The following IL1RAPL1 variants were observed in gnomAD, a reference collection of about 807,000 sequenced individuals.
The protein encoded by IL1RAPL1 is interleukin 1 receptor accessory protein like 1, also known as interleukin-1 receptor accessory protein-like 1.
A neutral mutation model predicts 48.4 loss-of-function variants in IL1RAPL1; 3 were observed. The observed-to-expected ratio is 0.06, with a 90% CI of 0.03 to 0.16. The LOEUF is 0.16. Among genes scored for constraint, IL1RAPL1 ranks in the 10% least tolerant of loss-of-function variants. IL1RAPL1 has a pLI of 1.00. For missense variants in IL1RAPL1, 349 were observed against 530.6 expected (o/e 0.66, Z 3.36); for synonymous variants, 185 against 187.7 (o/e 0.99, Z 0.12).
chrX:29,708,903 A>G, intron 6 of IL1RAPL1, among the ~76,000 whole-genome samples: 1 of 111,949 alleles, frequency 8.9e-6, no homozygotes, highest in East Asian at 2.8e-4. Context: ...TTTTGATAAT[A>G]CTCATTCTAA....
intron 6 of IL1RAPL1, among the ~76,000 whole-genome samples, chrX:29,867,724 TGA>T (rs1047679853): frequency 8.9e-6 from 1 of 112,246 alleles, no homozygotes; most frequent in Non-Finnish European, 1.9e-5. Flanking sequence ...TTCGAAGCAC[TGA>T]GAGAGTAAAC....
intron 8 of IL1RAPL1, among the ~76,000 whole-genome samples, chrX:29,931,962 A>C (rs1293959037): frequency 1.8e-5 from 2 of 112,514 alleles, no homozygotes; most frequent in Non-Finnish European, 3.8e-5. Context: ...AGGGAAAGCA[A>C]TACTTTTCTA....
intron 2 of IL1RAPL1, among the ~76,000 whole-genome samples, chrX:29,225,109 T>G (rs978003359): frequency 2.7e-5 from 3 of 112,232 alleles, no homozygotes; most frequent in Non-Finnish European, 5.6e-5. Context: ...CATGCTTGTC[T>G]TCTTTAAAGC....
At chrX:28,965,912 G>C (rs1351403683) in intron 2 of IL1RAPL1, among the ~76,000 whole-genome samples, 5 of 109,619 alleles carry the variant, frequency 4.6e-5, no homozygotes, top group African/African-American at 1.7e-4. Flanking sequence ...CATGTATTTT[G>C]TGCCTTTTAT....
intron 1 of IL1RAPL1, among the ~76,000 whole-genome samples, chrX:28,702,762 C>T (rs1307937803): frequency 9.0e-6 from 1 of 111,026 alleles, no homozygotes; most frequent in Non-Finnish European, 1.9e-5. Context: ...ACACCATTCA[C>T]CCATTTAGTG....
At chrX:28,723,090 G>A (rs1374645156) in intron 1 of IL1RAPL1, among the ~76,000 whole-genome samples, 2 of 111,301 alleles carry the variant, frequency 1.8e-5, no homozygotes, top group East Asian at 5.7e-4. Context: ...TTTGGTATCA[G>A]GATGATGCTG....
intron 3 of IL1RAPL1, among the ~76,000 whole-genome samples, chrX:29,380,444 C>T (rs750597164): frequency 1.8e-5 from 2 of 111,708 alleles, no homozygotes; most frequent in African/African-American, 6.5e-5. Context: ...TCAGGCTGGT[C>T]TCGAACTCCT....
At chrX:29,749,021 C>A (rs1211854979) in intron 6 of IL1RAPL1, among the ~76,000 whole-genome samples, 1 of 112,190 alleles carries the variant, frequency 8.9e-6, no homozygotes, top group Non-Finnish European at 1.9e-5. Flanking sequence ...ATATAGTGAG[C>A]AAAATGAGGA....
chrX:28,872,906 A>G (rs990569046), intron 2 of IL1RAPL1, among the ~76,000 whole-genome samples: 3 of 111,606 alleles, frequency 2.7e-5, no homozygotes, highest in Non-Finnish European at 5.6e-5. Flanking sequence ...CCTATTACCT[A>G]CAAAAGATAA....
intron 8 of IL1RAPL1, among the ~76,000 whole-genome samples, chrX:29,925,355 C>A (rs1013610846): frequency 3.0e-4 from 28 of 94,189 alleles, no homozygotes; most frequent in Non-Finnish European, 4.6e-4. Flanking sequence ...TTAACAAATT[C>A]TCTCCTTGGA....
At chrX:28,900,778 G>A (rs970125018) in intron 2 of IL1RAPL1, among the ~76,000 whole-genome samples, 8 of 111,297 alleles carry the variant, frequency 7.2e-5, no homozygotes, top group Non-Finnish European at 1.5e-4. Context: ...TTTTATTTTA[G>A]AAGCATTTAA....
intron 6 of IL1RAPL1, among the ~76,000 whole-genome samples, chrX:29,747,991 T>C (rs1454444760): frequency 8.9e-6 from 1 of 112,063 alleles, no homozygotes; most frequent in African/African-American, 3.2e-5. Context: ...TTTAACATAT[T>C]AAGATATGAT....
rs1337733564 is a variant in IL1RAPL1 at position 28,661,402 on chromosome X, TTTGA to T, written c.-25+73360_-25+73363del. The stretch of plus-strand genomic sequence containing the variant: ...ACAAGTAAATGCTGGTGATATATTA[TTTGA>T]TTGAGGTCAATTTTTATTCTAAATA... On this transcript the variant is annotated intron_variant, in intron 1 of 10. Transcript: ENST00000378993. 9.8e-4 allele frequency among the ~76,000 whole-genome samples: 109 copies of T among 111,631 alleles called. 2 individuals carry two copies. Among genetic ancestry groups the T allele is most frequent in the African/African-American group, 3.4e-3 (105 of 30,821 alleles).
At chrX:29,413,363 T>A (rs947304927) in intron 5 of IL1RAPL1, among the ~76,000 whole-genome samples, 2 of 111,805 alleles carry the variant, frequency 1.8e-5, no homozygotes, top group African/African-American at 3.3e-5. Flanking sequence ...ATCTTTTTTT[T>A]ATTATTATAC....
chrX:29,861,414 G>C (rs1407884723), intron 6 of IL1RAPL1, among the ~76,000 whole-genome samples: 1 of 111,612 alleles, frequency 9.0e-6, no homozygotes, highest in African/African-American at 3.3e-5. Context: ...AGTCACAGTT[G>C]AGAACCACTG....
chrX:28,871,891 T>C, intron 2 of IL1RAPL1, among the ~76,000 whole-genome samples: 1 of 112,796 alleles, frequency 8.9e-6, no homozygotes, highest in East Asian at 2.8e-4. Flanking sequence ...AAAACTTGGA[T>C]AAGCCTCTTA....
At chrX:29,104,222 T>C (rs766906595) in intron 2 of IL1RAPL1, among the ~76,000 whole-genome samples, 61 of 112,406 alleles carry the variant, frequency 5.4e-4, no homozygotes, top group African/African-American at 1.6e-3. Context: ...GGAAGCAACC[T>C]GTGTTCATCA....
At chrX:28,819,967 GAT>G (rs764635166) in intron 2 of IL1RAPL1, among the ~76,000 whole-genome samples, 2,240 of 26,400 alleles carry the variant, frequency 0.085, 97 homozygotes, top group Non-Finnish European at 0.14. Context: ...TAAACATAGT[GAT>G]ATATATATAT....
At chrX:29,004,566 A>G (rs1024838525) in intron 2 of IL1RAPL1, among the ~76,000 whole-genome samples, 5 of 112,700 alleles carry the variant, frequency 4.4e-5, no homozygotes, top group Non-Finnish European at 9.4e-5. Context: ...AAACACCAGG[A>G]ATACTGCATA....
Sources: gnomAD v4.1 joint callset for allele counts (sites outside exome capture counted in the v4.1 genomes callset) on GRCh38, gnomAD v4.1.1 for gene constraint, MANE v1.5 for transcripts, NCBI Gene and HGNC (gene_info 2026-07-23, HGNC 2026-07-21) for gene names.